The following ADD1 variants were observed in gnomAD, a reference collection of about 807,000 sequenced individuals.
ADD1 encodes adducin 1.
Under a neutral mutation model 80.5 loss-of-function variants are expected in ADD1, and 24 were observed. The ratio of observed to expected loss-of-function variants is 0.30; its 90% CI spans 0.22 to 0.42. The LOEUF (loss-of-function observed/expected upper bound fraction) is 0.42, where lower values mean the gene tolerates loss of function less well. Among genes scored for constraint, ADD1 ranks in the 10% least tolerant of loss-of-function variants. ADD1 has a pLI of 1.00. For missense variants in ADD1, 948 were observed against 1,019.0 expected, an observed-to-expected ratio of 0.93 and a Z score of 0.95; for synonymous variants, 373 against 393.8, an observed-to-expected ratio of 0.95 and a Z score of 0.63.
intron 6 of ADD1, among the ~76,000 whole-genome samples, chr4:2,895,792 ACAG>A (rs1209868701): frequency 5.9e-5 from 9 of 152,340 alleles, no homozygotes; most frequent in African/African-American, 2.2e-4. Flanking sequence ...ATGTGAAAGC[ACAG>A]TACTTGAGAA....
At chr4:2,867,635 T>G (rs1729746243) in intron 1 of ADD1, among the ~76,000 whole-genome samples, 1 of 152,236 alleles carries the variant, frequency 6.6e-6, no homozygotes, top group Non-Finnish European at 1.5e-5. Context: ...AAAGACTTAA[T>G]AAAATGTGGA....
intron 13 of ADD1, among the ~76,000 whole-genome samples, chr4:2,911,184 G>A (rs983563199): frequency 6.6e-6 from 1 of 152,162 alleles, no homozygotes; most frequent in Admixed American, 6.5e-5. Context: ...AGGCGAGTGC[G>A]TGGATGCCTG....
intron 13 of ADD1, chr4:2,914,678 G>A (rs947587014): frequency 5.2e-5 from 27 of 518,562 alleles, no homozygotes; most frequent in African/African-American, 3.9e-4. Flanking sequence ...GTTAATATCT[G>A]TTCATCGTGG....
chr4:2,901,439 T>C (rs1254089945), intron 9 of ADD1: 1 of 152,178 alleles, frequency 6.6e-6, no homozygotes, highest in Non-Finnish European at 1.5e-5. Context: ...GAATGATTAA[T>C]AAGTAAAACA....
At chr4:2,852,497 TTG>T (rs1215951759) in intron 1 of ADD1, among the ~76,000 whole-genome samples, 1 of 150,062 alleles carries the variant, frequency 6.7e-6, no homozygotes, top group East Asian at 2.0e-4. Flanking sequence ...CGGCTGATTT[TTG>T]TGTGTTTTTG....
At position 2,908,547 on chromosome 4, in the gene ADD1, G is replaced by A. The variant is rs1577673951; in HGVS notation, c.1641G>A (p.Thr547=). ...AGCAGAATTTACAGGACATTAAGACGGCTGGCCCTCAGTCCCAGGTTTTGT... is the reference window on the plus strand; with the variant it reads ...AGCAGAATTTACAGGACATTAAGACAGCTGGCCCTCAGTCCCAGGTTTTGT... ...IREQNLQDIK[T]AGPQSQVLCG... Residue 547 remains threonine, a synonymous_variant, in exon 12 of 16, where the codon ACG becomes ACA. Transcript: ENST00000683351. The A allele has an allele frequency of 1.2e-6, 2 of 1,614,212 alleles. No individual in the cohort carries two copies. The highest frequency in any genetic ancestry group is 1.7e-6 in the Non-Finnish European group (2 of 1,180,044).
intron 1 of ADD1, among the ~76,000 whole-genome samples, chr4:2,850,548 C>T (rs952699739): frequency 1.3e-5 from 2 of 152,230 alleles, no homozygotes; most frequent in African/African-American, 4.8e-5. Context: ...GCCTCAGCCT[C>T]CTGAGTAGCT....
At position 2,928,970 on chromosome 4, in the gene ADD1, C is replaced by T; in HGVS notation, c.*447C>T. On this transcript the variant is annotated 3_prime_UTR_variant, in exon 16 of 16. Transcript: ENST00000683351. ...CTCCTGGCTTCATGTGGCATTCTCT[C>T]TGCTCAGTGATCTCACTTAAATCTA... 1 of 183,134 alleles carries T rather than the reference C, an allele frequency of 5.5e-6. No individual in the cohort carries two copies. Among genetic ancestry groups the T allele is most frequent in the Non-Finnish European group, 1.1e-5 (1 of 90,166 alleles). The allele number at this position is 183,134 out of a possible 1,614,324, so 11.3% of individuals were successfully genotyped here.
chr4:2,886,624 C>G (rs1733418658), intron 4 of ADD1, among the ~76,000 whole-genome samples: 1 of 152,000 alleles, frequency 6.6e-6, no homozygotes, highest in African/African-American at 2.4e-5. Context: ...CTGCTGTGGC[C>G]CCAGGACCCG....
intron 13 of ADD1, among the ~76,000 whole-genome samples, chr4:2,911,445 TA>T (rs1460697104): frequency 1.3e-4 from 16 of 127,932 alleles, no homozygotes; most frequent in South Asian, 2.4e-4. Context: ...TATATATATA[TA>T]TATTTTTTTT....
intron 8 of ADD1, 95 bp from the exon 9 acceptor site, chr4:2,899,164 T>C: frequency 1.6e-6 from 2 of 1,246,634 alleles, no homozygotes; most frequent in Admixed American, 2.4e-5. Context: ...CTCTAGAGAT[T>C]TGGTTTCTTT....
intron 1 of ADD1, chr4:2,844,257 G>A (rs374219969): frequency 3.3e-5 from 5 of 152,324 alleles, no homozygotes; most frequent in East Asian, 1.9e-4. Context: ...CTTTCATCGG[G>A]ATAGGACCCC....
At position 2,884,400 on chromosome 4, in the gene ADD1, A is replaced by T. The variant is rs114334711; in HGVS notation, c.359-115A>T. On this transcript the variant is annotated intron_variant, in intron 3 of 15. Transcript: ENST00000683351. ...GCTATTCACAGCTGCTATCATAAGC[A>T]CTACAGCCTCAAACTCATGGCTTCA... 7.1e-4 allele frequency: 508 copies of T among 719,114 alleles called. 5 individuals carry two copies. The African/African-American group carries it at 8.3e-3, about 12-fold the overall frequency. 44.5% of individuals were successfully genotyped at this position (719,114 alleles called of 1,614,324 possible).
intron 14 of ADD1, among the ~76,000 whole-genome samples, chr4:2,923,335 T>A (rs1236874985): frequency 6.6e-6 from 1 of 152,228 alleles, no homozygotes; most frequent in Non-Finnish European, 1.5e-5. Context: ...GTATTTGAGC[T>A]GGAATGCACT....
chr4:2,879,050 G>A (rs999363091), intron 2 of ADD1, among the ~76,000 whole-genome samples: 1 of 152,164 alleles, frequency 6.6e-6, no homozygotes, highest in African/African-American at 2.4e-5. Flanking sequence ...AGCCTGAGAT[G>A]GGTTGGATGA....
intron 3 of ADD1, among the ~76,000 whole-genome samples, chr4:2,883,051 C>T (rs745492859): frequency 2.0e-5 from 3 of 151,974 alleles, no homozygotes; most frequent in Non-Finnish European, 2.9e-5. Context: ...TTAGTAGAGA[C>T]GGATTTCGCC....
rs919475821 is a variant in ADD1 at position 2,928,940 on chromosome 4, T to C, written c.*417T>C. ...CACCCTAAAGTCTCAGGTGACGGAC[T>C]CAGACTCCTGGCTTCATGTGGCATT... On this transcript the variant is annotated 3_prime_UTR_variant, in exon 16 of 16. Coordinates refer to ENST00000683351, the MANE Select transcript of ADD1 (RefSeq NM_001354761.2). 1 of 191,094 alleles carries C rather than the reference T, an allele frequency of 5.2e-6. No homozygotes were observed. Among genetic ancestry groups the C allele is most frequent in the African/African-American group, 2.4e-5 (1 of 41,916 alleles). The allele number at this position is 191,094 out of a possible 1,614,324, so 11.8% of individuals were successfully genotyped here. A position where few individuals can be genotyped will look rare whatever the true frequency, so the allele number is the denominator to read the frequency against.
intron 3 of ADD1, among the ~76,000 whole-genome samples, chr4:2,883,124 A>C (rs778763560): frequency 6.6e-6 from 1 of 152,124 alleles, no homozygotes; most frequent in African/African-American, 2.4e-5. Context: ...AGCCTCCCTA[A>C]GTGCTGGGAT....
intron 1 of ADD1, among the ~76,000 whole-genome samples, chr4:2,850,908 G>T (rs1726984046): frequency 6.6e-6 from 1 of 152,180 alleles, no homozygotes; most frequent in Non-Finnish European, 1.5e-5. Flanking sequence ...GGTAGATTTG[G>T]GGTTGACTGG....
Sources: gnomAD v4.1 joint callset for allele counts (sites outside exome capture counted in the v4.1 genomes callset) on GRCh38, gnomAD v4.1.1 for gene constraint, MANE v1.5 for transcripts, NCBI Gene and HGNC (gene_info 2026-07-23, HGNC 2026-07-21) for gene names.